BCL2: variants seen among roughly 807,000 people sequenced by gnomAD.
BCL2 encodes BCL2 apoptosis regulator.
In BCL2, 1 loss-of-function variant was observed where a neutral mutation model predicts 14.2. That is an observed-to-expected ratio of 0.07 (90% confidence interval 0.02 to 0.33). The LOEUF is 0.33. Among genes scored for constraint, BCL2 ranks in the 10% least tolerant of loss-of-function variants. BCL2 has a pLI of 0.99. For synonymous variants in BCL2, 151 were observed against 137.2 expected (o/e 1.10, Z -0.70); for missense variants, 247 against 305.9 (o/e 0.81, Z 1.44).
At chr18:63,175,927 A>ACT (rs1915338823) in intron 2 of BCL2, among the ~76,000 whole-genome samples, 1 of 152,156 alleles carries the variant, frequency 6.6e-6, no homozygotes, top group African/African-American at 2.4e-5. Context: ...CATGGGAGGC[A>ACT]CTCACACTGG....
At chr18:63,308,927 T>C (rs1913223542) in intron 2 of BCL2, among the ~76,000 whole-genome samples, 1 of 152,212 alleles carries the variant, frequency 6.6e-6, no homozygotes, top group Non-Finnish European at 1.5e-5. Context: ...TTGAATTTAA[T>C]AGAAGAAATA....
At chr18:63,198,545 GAC>G (rs1361011644) in intron 2 of BCL2, among the ~76,000 whole-genome samples, 15 of 108,326 alleles carry the variant, frequency 1.4e-4, no homozygotes, top group African/African-American at 3.6e-4. Context: ...TTGACACACA[GAC>G]ACACATAGAC....
chr18:63,198,165 C>T (rs1364222504), intron 2 of BCL2, among the ~76,000 whole-genome samples: 2 of 151,396 alleles, frequency 1.3e-5, no homozygotes, highest in Non-Finnish European at 2.9e-5. Context: ...TAGAGACACA[C>T]ACACACAGAC....
intron 2 of BCL2, among the ~76,000 whole-genome samples, chr18:63,215,510 A>C (rs981867944): frequency 6.6e-6 from 1 of 152,266 alleles, no homozygotes; most frequent in African/African-American, 2.4e-5. Flanking sequence ...TGATTTGTAT[A>C]AAAAACAATC....
At chr18:63,231,511 G>A (rs2144177264) in intron 2 of BCL2, among the ~76,000 whole-genome samples, 1 of 152,108 alleles carries the variant, frequency 6.6e-6, no homozygotes, top group African/African-American at 2.4e-5. Flanking sequence ...AGGGACGCTG[G>A]AGACAAGATT....
At chr18:63,319,102 A>C in intron 1 of BCL2, 72 bp downstream of exon 1, 1 of 1,027,614 alleles carries the variant, frequency 9.7e-7, no homozygotes, top group Non-Finnish European at 1.2e-6. Context: ...ACTCGAATGC[A>C]CTTTAAGTAA....
intron 2 of BCL2, among the ~76,000 whole-genome samples, chr18:63,258,177 ATC>A (rs1911540444): frequency 6.6e-6 from 1 of 152,126 alleles, no homozygotes; most frequent in African/African-American, 2.4e-5. Flanking sequence ...TGGGGGGTGG[ATC>A]CCCCTGAGCC....
chr18:63,148,238 T>C (rs1914563987), intron 2 of BCL2, among the ~76,000 whole-genome samples: 1 of 152,208 alleles, frequency 6.6e-6, no homozygotes, highest in African/African-American at 2.4e-5. Flanking sequence ...TTTCTCTCTC[T>C]CTCTCTTTTC....
At chr18:63,131,878 T>C (rs9966563) in intron 2 of BCL2, among the ~76,000 whole-genome samples, 139,894 of 152,254 alleles carry the variant, frequency 0.92, 64,726 homozygotes, top group East Asian at 1. Context: ...TCCCAGTTGG[T>C]CTGGCACACA....
At chr18:63,147,476 G>A (rs1266761212) in intron 2 of BCL2, among the ~76,000 whole-genome samples, 1 of 152,176 alleles carries the variant, frequency 6.6e-6, no homozygotes, top group Admixed American at 6.5e-5. Context: ...AATCCTAGAG[G>A]GGATTTTACT....
At chr18:63,289,489 T>C (rs1912580849) in intron 2 of BCL2, among the ~76,000 whole-genome samples, 1 of 151,932 alleles carries the variant, frequency 6.6e-6, no homozygotes, top group Admixed American at 6.6e-5. Flanking sequence ...GCAATCTTGC[T>C]AAGGAGTAGC....
At chr18:63,182,970 T>C (rs1019495538) in intron 2 of BCL2, among the ~76,000 whole-genome samples, 13 of 152,184 alleles carry the variant, frequency 8.5e-5, no homozygotes, top group Non-Finnish European at 1.5e-5. Flanking sequence ...CTGCAAACTG[T>C]TGAAGCCACG....
intron 2 of BCL2, among the ~76,000 whole-genome samples, chr18:63,269,744 T>A (rs1398293493): frequency 6.6e-6 from 1 of 152,208 alleles, no homozygotes; most frequent in African/African-American, 2.4e-5. Context: ...TAGTTTGAAA[T>A]GTATTATTTT....
At chr18:63,219,150 G>A (rs569408832) in intron 2 of BCL2, among the ~76,000 whole-genome samples, 1 of 152,212 alleles carries the variant, frequency 6.6e-6, no homozygotes, top group Admixed American at 6.5e-5. Context: ...AACATACCAG[G>A]CTTTTTCTGA....
rs72943038 is a variant in BCL2, at chr18:63,179,732, G to A, written c.586-50973C>T. Reference sequence around the variant, plus strand: ...GACACTCACATTGATTAAGTCAAGAGATTCCGATCAAGCCCTCTCATCCTC... The same window carrying A: ...GACACTCACATTGATTAAGTCAAGAAATTCCGATCAAGCCCTCTCATCCTC... On this transcript the variant is annotated intron_variant, in intron 2 of 2. Transcript: ENST00000333681. Among the ~76,000 whole-genome samples, 1,514 of 152,262 alleles carry A rather than the reference G, an allele frequency of 9.9e-3. 10 individuals carry two copies. Among genetic ancestry groups the A allele is most frequent in the Non-Finnish European group, 0.015 (997 of 68,012 alleles).
intron 2 of BCL2, among the ~76,000 whole-genome samples, chr18:63,234,206 G>A (rs932558977): frequency 3.3e-5 from 5 of 152,078 alleles, no homozygotes; most frequent in Admixed American, 3.3e-4. Context: ...ATTAAGCTCC[G>A]TATGCATTAG....
intron 2 of BCL2, among the ~76,000 whole-genome samples, chr18:63,286,035 G>A (rs951799454): frequency 6.6e-6 from 1 of 152,190 alleles, no homozygotes; most frequent in Non-Finnish European, 1.5e-5. Context: ...ACTATGTCCT[G>A]CTCTTATACA....
At chr18:63,269,690 A>C (rs1911947572) in intron 2 of BCL2, among the ~76,000 whole-genome samples, 1 of 152,220 alleles carries the variant, frequency 6.6e-6, no homozygotes, top group South Asian at 2.1e-4. Flanking sequence ...GTATCTTAAA[A>C]GATATCATGT....
At chr18:63,223,069 A>G (rs1910445817) in intron 2 of BCL2, among the ~76,000 whole-genome samples, 1 of 152,190 alleles carries the variant, frequency 6.6e-6, no homozygotes. Flanking sequence ...AGCACCGGTG[A>G]CCTCTGGAAC....
Sources: allele counts gnomAD v4.1 joint callset (sites outside exome capture counted in the v4.1 genomes callset), GRCh38; gene constraint gnomAD v4.1.1; transcripts MANE v1.5; gene names NCBI Gene and HGNC (gene_info 2026-07-23, HGNC 2026-07-21).